The following POLN variants were observed in gnomAD, a reference collection of about 807,000 sequenced individuals.
The protein encoded by POLN is DNA polymerase N.
Under a neutral mutation model 113.5 loss-of-function variants are expected in POLN, and 108 were observed. The ratio of observed to expected loss-of-function variants is 0.95; its 90% CI spans 0.81 to 1.12. The LOEUF is 1.12. Ranked by LOEUF, POLN falls within the 50% of genes most tolerant of loss-of-function variation. The probability of loss-of-function intolerance (pLI) is 0.00; values close to 1 mark genes in which losing one functional copy is unlikely to be tolerated. For missense variants in POLN, 1,097 were observed against 1,077.1 expected (o/e 1.02, Z -0.26); for synonymous variants, 386 against 391.5 (o/e 0.99, Z 0.17).
At chr4:2,209,657 C>CTTTTTTTTTTTTTTT (rs1175117439) in intron 4 of POLN, among the ~76,000 whole-genome samples, 1 of 108,430 alleles carries the variant, frequency 9.2e-6, no homozygotes, top group East Asian at 3.1e-4. Flanking sequence ...TTTCCTTTTC[C>CTTTTTTTTTTTTTTT]TTTTTTTTTT....
At chr4:2,145,670 C>T (rs527839373) in intron 16 of POLN, among the ~76,000 whole-genome samples, 55 of 152,214 alleles carry the variant, frequency 3.6e-4, no homozygotes, top group African/African-American at 1.1e-3. Context: ...GTCTGTAGGG[C>T]GATGAGGTCT....
At chr4:2,151,773 G>A (rs1231570470) in intron 16 of POLN, among the ~76,000 whole-genome samples, 2 of 152,196 alleles carry the variant, frequency 1.3e-5, no homozygotes, top group Admixed American at 6.5e-5. Context: ...CAAACGAATC[G>A]ATAGTGGCAA....
intron 16 of POLN, among the ~76,000 whole-genome samples, chr4:2,131,989 G>A (rs1475635170): frequency 1.3e-5 from 2 of 152,170 alleles, no homozygotes; most frequent in Non-Finnish European, 2.9e-5. Flanking sequence ...TTATTAGTTG[G>A]TCTTGACTCC....
intron 5 of POLN, among the ~76,000 whole-genome samples, chr4:2,201,168 G>A (rs562337619): frequency 6.7e-6 from 1 of 149,754 alleles, no homozygotes; most frequent in East Asian, 2.0e-4. Context: ...TCAAGAGGCT[G>A]AGGCAGGAGA....
intron 7 of POLN, among the ~76,000 whole-genome samples, chr4:2,187,243 T>TTTTG (rs60252914): frequency 0.24 from 36,989 of 151,586 alleles, 6,964 homozygotes; most frequent in African/African-American, 0.51. Context: ...TGTTTGTTTG[T>TTTTG]TTTGTTTGTT....
intron 13 of POLN, among the ~76,000 whole-genome samples, chr4:2,166,944 G>A (rs1253068923): frequency 6.6e-6 from 1 of 152,074 alleles, no homozygotes; most frequent in South Asian, 2.1e-4. Flanking sequence ...CCTATTATCT[G>A]TATCTATATC....
intron 3 of POLN, among the ~76,000 whole-genome samples, chr4:2,217,093 T>A (rs1001333891): frequency 6.6e-6 from 1 of 152,214 alleles, no homozygotes; most frequent in Non-Finnish European, 1.5e-5. Context: ...TCCCTCCACA[T>A]GCCTTACTCC....
At chr4:2,089,813 G>T in intron 20 of POLN, 1 of 830,498 alleles carries the variant, frequency 1.2e-6, no homozygotes, top group South Asian at 1.5e-5. Context: ...CATTCAGATG[G>T]ATGAAGTCTC....
rs533310608 is a variant in POLN, at chr4:2,139,513, C to T, written c.1732-8223G>A. Among the ~76,000 whole-genome samples, 86 of 152,340 alleles carry T rather than the reference C, an allele frequency of 5.6e-4. 1 individual carries two copies. The highest frequency in any genetic ancestry group is 5.1e-3 in the Admixed American group (78 of 15,298). On this transcript the variant is annotated intron_variant, in intron 16 of 25. Coordinates refer to ENST00000511885, the MANE Select transcript of POLN (RefSeq NM_181808.4). ...CTCTGCATATGTCCCTGTCAAGAGG[C>T]AATGCACAGAAAGTACCAGAACGCT...
intron 2 of POLN, chr4:2,240,397 TA>T: frequency 1.2e-6 from 2 of 1,612,090 alleles, no homozygotes. Context: ...TGACCTAAAT[TA>T]GAATGTCTGA....
chr4:2,177,645 T>G (rs1170285979), intron 8 of POLN, among the ~76,000 whole-genome samples: 1 of 152,226 alleles, frequency 6.6e-6, no homozygotes, highest in East Asian at 1.9e-4. Flanking sequence ...ACGTTAACCT[T>G]TCTATACCTC....
intron 16 of POLN, among the ~76,000 whole-genome samples, chr4:2,145,689 C>G (rs1298011627): frequency 6.6e-6 from 1 of 152,198 alleles, no homozygotes; most frequent in African/African-American, 2.4e-5. Flanking sequence ...CTCTATCACA[C>G]TGCAGGTGAG....
chr4:2,129,149 A>G, intron 18 of POLN, 30 bp downstream of exon 18: 2 of 1,510,410 alleles, frequency 1.3e-6, no homozygotes, highest in Non-Finnish European at 1.8e-6. Flanking sequence ...AACCCTATGA[A>G]AATGCATAAA....
Position 2,126,546 on chromosome 4 carries a change from GGACCAGAGAGGAGCAGA to G in POLN, c.1982+1550_1982+1566del, listed in dbSNP as rs1315819350. 6.6e-6 allele frequency among the ~76,000 whole-genome samples: 1 copy of G among 152,116 alleles called. No individual in the cohort carries two copies. The highest frequency in any genetic ancestry group is 2.4e-5 in the African/African-American group (1 of 41,412). ...AGAGCAATACATGGGAATGTGCATC[GGACCAGAGAGGAGCAGA>G]GACCAGAGAGGAGCGGAGACCAGAG... On this transcript the variant is annotated intron_variant, in intron 19 of 25. Coordinates refer to ENST00000511885, the MANE Select transcript of POLN (RefSeq NM_181808.4). This position sits in a 1 kb window ranked among gnomAD's most constrained non-coding sequence, Gnocchi z 4.6.
At position 2,146,378 on chromosome 4, in the gene POLN, C is replaced by T. The variant is rs186147061; in HGVS notation, c.1731+10410G>A. On this transcript the variant is annotated intron_variant, in intron 16 of 25. Transcript: ENST00000511885. The stretch of plus-strand genomic sequence containing the variant: ...AAAAAATTAGCCAGGCGTGGTGGCA[C>T]GCACCTGTAATCCCAGCTACTTGGG... 1.9e-3 allele frequency among the ~76,000 whole-genome samples: 296 copies of T among 152,256 alleles called. 2 individuals carry two copies. The highest frequency in any genetic ancestry group is 6.8e-3 in the African/African-American group (281 of 41,554).
At chr4:2,075,626 C>G in intron 23 of POLN, 107 bp from the exon 24 acceptor site, 1 of 1,238,274 alleles carries the variant, frequency 8.1e-7, no homozygotes, top group Non-Finnish European at 1.2e-6. Context: ...GACTGTGAGG[C>G]GGGGGCTCAG....
At chr4:2,165,765 C>A (rs959737510) in intron 13 of POLN, among the ~76,000 whole-genome samples, 4 of 151,924 alleles carry the variant, frequency 2.6e-5, no homozygotes, top group African/African-American at 9.7e-5. Context: ...TACTGTGAAC[C>A]TAAAACTAAA....
chr4:2,090,280 G>A, intron 20 of POLN: 3 of 799,384 alleles, frequency 3.8e-6, no homozygotes, highest in Middle Eastern at 2.3e-4. Flanking sequence ...AAAGGCTTCT[G>A]CACATCAAAC....
intron 19 of POLN, among the ~76,000 whole-genome samples, chr4:2,119,708 A>T (rs1309254567): frequency 6.6e-6 from 1 of 152,206 alleles, no homozygotes; most frequent in Non-Finnish European, 1.5e-5. Flanking sequence ...TACATGAAAT[A>T]AACATTTTTA....
Sources: gnomAD v4.1 joint callset for allele counts (sites outside exome capture counted in the v4.1 genomes callset) on GRCh38, gnomAD v4.1.1 for gene constraint, Gnocchi (gnomAD v3.1) non-coding constraint, MANE v1.5 for transcripts, NCBI Gene and HGNC (gene_info 2026-07-23, HGNC 2026-07-21) for gene names.